Variants in PALM2AKAP2 observed in about 807,000 individuals in gnomAD.
PALM2AKAP2 encodes PALM2 and AKAP2 fusion.
In PALM2AKAP2, 37 loss-of-function variants were observed where a neutral mutation model predicts 71.5. The observed-to-expected ratio is 0.52, with a 90% CI of 0.40 to 0.68. The LOEUF is 0.68. Ranked by LOEUF, PALM2AKAP2 falls within the 30% of genes least tolerant of loss-of-function variation. The pLI is 0.00. For synonymous variants in PALM2AKAP2, 468 were observed against 478.8 expected (o/e 0.98, Z 0.29); for missense variants, 1,224 against 1,191.8 (o/e 1.03, Z -0.40).
At chr9:109,975,550 CTCAG>C (rs1348792250) in intron 6 of PALM2AKAP2, among the ~76,000 whole-genome samples, 1 of 152,224 alleles carries the variant, frequency 6.6e-6, no homozygotes, top group Non-Finnish European at 1.5e-5. Context: ...CATTCCTTGG[CTCAG>C]TCAAATTGAT....
At chr9:109,957,283 G>A (rs1460977199) in intron 6 of PALM2AKAP2, among the ~76,000 whole-genome samples, 3 of 152,192 alleles carry the variant, frequency 2.0e-5, no homozygotes, top group Non-Finnish European at 4.4e-5. Flanking sequence ...TCAGATAGAA[G>A]GGGAAGGGAA....
intron 1 of PALM2AKAP2, among the ~76,000 whole-genome samples, chr9:109,828,477 G>A (rs923380389): frequency 2.0e-5 from 3 of 152,120 alleles, no homozygotes; most frequent in Non-Finnish European, 4.4e-5. Context: ...ATCAAGCATC[G>A]GTCGATGATT....
chr9:109,923,261 G>C (rs1830879502), intron 3 of PALM2AKAP2, among the ~76,000 whole-genome samples: 1 of 152,152 alleles, frequency 6.6e-6, no homozygotes, highest in Non-Finnish European at 1.5e-5. Context: ...AGGACACCAG[G>C]CTCCCAAGGG....
At chr9:110,053,536 A>AG (rs1191204594) in intron 1 of PALM2AKAP2, among the ~76,000 whole-genome samples, 1 of 149,318 alleles carries the variant, frequency 6.7e-6, no homozygotes, top group African/African-American at 2.5e-5. Flanking sequence ...TCAAAAAAAA[A>AG]AAAAAAAAAA....
At chr9:110,048,803 G>C (rs1329738717) in exon 1 of PALM2AKAP2, 9 of 1,533,392 alleles carry the variant, frequency 5.9e-6, no homozygotes, top group African/African-American at 2.8e-5. Context: ...GCCGCGCGGC[G>C]CTGGACTGGA....
chr9:109,783,790 A>T (rs1826887049), intron 1 of PALM2AKAP2, among the ~76,000 whole-genome samples: 1 of 152,230 alleles, frequency 6.6e-6, no homozygotes, highest in African/African-American at 2.4e-5. Context: ...TGGTGTCCCC[A>T]GGTTTCAGCT....
upstream of PALM2AKAP2, among the ~76,000 whole-genome samples, chr9:110,044,255 C>T (rs986428358): frequency 6.6e-6 from 1 of 151,958 alleles, no homozygotes; most frequent in Non-Finnish European, 1.5e-5. Flanking sequence ...TGGGAAAGCC[C>T]CAGGGACATA....
chr9:109,660,561 G>A (rs1382671542), intron 1 of PALM2AKAP2, among the ~76,000 whole-genome samples: 2 of 151,024 alleles, frequency 1.3e-5, no homozygotes, highest in Admixed American at 1.3e-4. Context: ...ATTCCATGGT[G>A]TATATGTGCC....
At chr9:110,140,194 A>G (rs536129312) in intron 2 of PALM2AKAP2, among the ~76,000 whole-genome samples, 1 of 152,326 alleles carries the variant, frequency 6.6e-6, no homozygotes, top group South Asian at 2.1e-4. Flanking sequence ...TTCCTGTGAT[A>G]TTCAATGGAT....
intron 6 of PALM2AKAP2, among the ~76,000 whole-genome samples, chr9:109,957,367 C>A (rs915141452): frequency 1.3e-5 from 2 of 152,292 alleles, no homozygotes; most frequent in East Asian, 3.9e-4. Flanking sequence ...CAGCGTTTAG[C>A]CTTTGTTCTG....
At chr9:109,871,080 AATGAGATGAATTATTTAG>A (rs1291401734) in intron 2 of PALM2AKAP2, among the ~76,000 whole-genome samples, 2 of 152,218 alleles carry the variant, frequency 1.3e-5, no homozygotes, top group South Asian at 4.1e-4. Context: ...ATTCTCATGC[AATGAGATGAATTATTTAG>A]ACAGATTCAC....
chr9:109,712,149 A>C (rs1828252167), intron 1 of PALM2AKAP2, among the ~76,000 whole-genome samples: 1 of 152,196 alleles, frequency 6.6e-6, no homozygotes, highest in African/African-American at 2.4e-5. Flanking sequence ...GGGTAATACA[A>C]GAGTCTTCTA....
intron 1 of PALM2AKAP2, among the ~76,000 whole-genome samples, chr9:109,839,625 A>G (rs1828595583): frequency 6.6e-6 from 1 of 152,244 alleles, no homozygotes; most frequent in Non-Finnish European, 1.5e-5. Flanking sequence ...ATGATTGTAC[A>G]TTTAGAAAAC....
chr9:110,034,905 CAT>C (rs540763014), intron 7 of PALM2AKAP2, among the ~76,000 whole-genome samples: 43 of 151,826 alleles, frequency 2.8e-4, no homozygotes, highest in African/African-American at 1.0e-3. Context: ...GCCCGGCTGC[CAT>C]ATATTCTTTG....
At chr9:110,101,631 C>CT (rs373281442) in intron 1 of PALM2AKAP2, among the ~76,000 whole-genome samples, 112 of 152,230 alleles carry the variant, frequency 7.4e-4, no homozygotes, top group African/African-American at 2.6e-3. Context: ...CAGCGGCCGC[C>CT]TTTTTTCACT....
intron 1 of PALM2AKAP2, among the ~76,000 whole-genome samples, chr9:110,088,489 G>T (rs1189154865): frequency 6.6e-6 from 1 of 152,122 alleles, no homozygotes; most frequent in Non-Finnish European, 1.5e-5. Flanking sequence ...ACAAGAAAAG[G>T]GTGGGGGATT....
chr9:110,069,400 G>T (rs1834156507), intron 1 of PALM2AKAP2, among the ~76,000 whole-genome samples: 1 of 152,176 alleles, frequency 6.6e-6, no homozygotes, highest in Non-Finnish European at 1.5e-5. Flanking sequence ...CAAAACATTT[G>T]TTTGTCCCAG....
intron 1 of PALM2AKAP2, among the ~76,000 whole-genome samples, chr9:110,050,468 A>C (rs1371195210): frequency 6.6e-6 from 1 of 152,228 alleles, no homozygotes; most frequent in Admixed American, 6.5e-5. Context: ...ATTTCATAAT[A>C]ATATGTCTAG....
intron 1 of PALM2AKAP2, among the ~76,000 whole-genome samples, chr9:110,133,718 T>C (rs897992464): frequency 5.9e-5 from 9 of 151,758 alleles, no homozygotes; most frequent in Non-Finnish European, 1.3e-4. Context: ...GTTGTTCCCA[T>C]GCAGAATATT....
Sources: gnomAD v4.1 joint callset for allele counts (sites outside exome capture counted in the v4.1 genomes callset) on GRCh38, gnomAD v4.1.1 for gene constraint, MANE v1.5 for transcripts, NCBI Gene and HGNC (gene_info 2026-07-23, HGNC 2026-07-21) for gene names.